Variants in BANK1 observed in about 807,000 individuals in gnomAD.
BANK1 encodes B-cell scaffold protein with ankyrin repeats.
Under a neutral mutation model 94.5 loss-of-function variants are expected in BANK1, and 95 were observed. That is an observed-to-expected ratio of 1.00 (90% CI 0.85 to 1.19). The LOEUF (loss-of-function observed/expected upper bound fraction) is 1.19. Among genes scored for constraint, BANK1 ranks in the 50% most tolerant of loss-of-function variants. The pLI is 0.00. For missense variants in BANK1, 987 were observed against 932.2 expected (o/e 1.06, Z -0.77); for synonymous variants, 334 against 308.4 (o/e 1.08, Z -0.87).
chr4:101,907,002 A>T (rs570565747), intron 6 of BANK1, among the ~76,000 whole-genome samples: 22 of 152,380 alleles, frequency 1.4e-4, no homozygotes, highest in Non-Finnish European at 3.2e-4. Flanking sequence ...ATTTACCCAC[A>T]TATTTATTAA....
At chr4:101,976,384 G>T (rs1725128533) in intron 7 of BANK1, among the ~76,000 whole-genome samples, 2 of 152,170 alleles carry the variant, frequency 1.3e-5, no homozygotes, top group African/African-American at 2.4e-5. Flanking sequence ...ATTAATGCTG[G>T]CAAAGAATAC....
intron 7 of BANK1, among the ~76,000 whole-genome samples, chr4:102,019,951 G>A (rs1726836998): frequency 1.3e-5 from 2 of 151,942 alleles, no homozygotes; most frequent in African/African-American, 4.8e-5. Context: ...TTGGGTTCAG[G>A]GTATTTGGCT....
chr4:101,986,861 A>G (rs1307081567), intron 7 of BANK1, among the ~76,000 whole-genome samples: 15 of 49,912 alleles, frequency 3.0e-4, no homozygotes, highest in African/African-American at 1.0e-3. Flanking sequence ...ATATGTATAT[A>G]TATATGTGTG....
At chr4:101,859,360 T>G (rs572627361) in intron 3 of BANK1, among the ~76,000 whole-genome samples, 1 of 152,332 alleles carries the variant, frequency 6.6e-6, no homozygotes, top group East Asian at 1.9e-4. Context: ...ATAATGCCTG[T>G]GTCCTACCTC....
chr4:101,944,230 G>A lies in BANK1; in HGVS notation c.1206+26041G>A, dbSNP rs148998307. ...AAGCTATGTGAGGAGCATAAAACAT[G>A]CAAAGTAACCAGGAAACTCACCATT... On this transcript the variant is annotated intron_variant, in intron 7 of 16. Coordinates refer to ENST00000322953, the MANE Select transcript of BANK1 (RefSeq NM_017935.5). Among the ~76,000 whole-genome samples, 4 of 151,968 alleles carry A rather than the reference G, an allele frequency of 2.6e-5. No individual in the cohort carries two copies. The East Asian group carries it at 7.8e-4, about 30-fold the overall frequency.
chr4:102,070,251 A>C (rs760385041), intron 13 of BANK1, among the ~76,000 whole-genome samples: 1 of 152,188 alleles, frequency 6.6e-6, no homozygotes, highest in Non-Finnish European at 1.5e-5. Flanking sequence ...ATGCTGGCCA[A>C]CTTCCAGCAT....
chr4:101,952,934 C>T (rs111737699), intron 7 of BANK1, among the ~76,000 whole-genome samples: 1,827 of 152,058 alleles, frequency 0.012, 15 homozygotes, highest in Non-Finnish European at 0.018. Flanking sequence ...TTTTTTCTGT[C>T]GTAATAACCA....
intron 1 of BANK1, among the ~76,000 whole-genome samples, chr4:101,792,258 C>CCT (rs1164968686): frequency 7.2e-6 from 1 of 138,688 alleles, no homozygotes; most frequent in African/African-American, 2.5e-5. Flanking sequence ...ATTCCGCTCC[C>CCT]CCCCCGCCCC....
intron 2 of BANK1, among the ~76,000 whole-genome samples, chr4:101,841,384 T>C (rs1056882756): frequency 6.6e-6 from 1 of 152,090 alleles, no homozygotes; most frequent in South Asian, 2.1e-4. Flanking sequence ...AAGCAAGGCA[T>C]AAATTATAAG....
chr4:102,060,122 C>G, intron 11 of BANK1, 89 bp from the exon 12 acceptor site: 2 of 1,176,288 alleles, frequency 1.7e-6, no homozygotes, highest in Non-Finnish European at 2.3e-6. Context: ...TAAGAAGAAG[C>G]TACTCCAATG....
At position 101,895,360 on chromosome 4, in the gene BANK1, C is replaced by T. The variant is rs762224126; in HGVS notation, c.959C>T (p.Pro320Leu). Residue 320 changes from proline to leucine, a missense_variant, in exon 6 of 17, where the codon CCA becomes CTA. Coordinates refer to ENST00000322953, the MANE Select transcript of BANK1 (RefSeq NM_017935.5). ...VLTSIFKHEI[P>L]YYEFQSLQTE... ...ACATCCATATTCAAACATGAGATAC[C>T]ATATTATGAGTTCCAGTCTCTTCAA... 1 of 1,594,108 alleles carries T rather than the reference C, an allele frequency of 6.3e-7. No homozygotes were observed. Among genetic ancestry groups the T allele is most frequent in the Non-Finnish European group, 8.5e-7 (1 of 1,170,248 alleles).
chr4:101,857,936 C>A (rs940470596), intron 3 of BANK1, among the ~76,000 whole-genome samples: 1 of 152,052 alleles, frequency 6.6e-6, no homozygotes, highest in South Asian at 2.1e-4. Context: ...CTAGCATATG[C>A]CTCTTGGTTT....
intron 5 of BANK1, among the ~76,000 whole-genome samples, chr4:101,890,244 A>G (rs1721804409): frequency 6.6e-6 from 1 of 152,062 alleles, no homozygotes. Context: ...CTGTCTACCA[A>G]TTGTAGAAAG....
At chr4:102,018,504 C>T in intron 7 of BANK1, among the ~76,000 whole-genome samples, 1 of 152,194 alleles carries the variant, frequency 6.6e-6, no homozygotes, top group East Asian at 1.9e-4. Context: ...TCAATTTGTA[C>T]AGGACCAGAT....
At chr4:102,010,852 AC>A (rs1726482511) in intron 7 of BANK1, among the ~76,000 whole-genome samples, 1 of 152,226 alleles carries the variant, frequency 6.6e-6, no homozygotes, top group Non-Finnish European at 1.5e-5. Context: ...CTGAATCCTT[AC>A]TTTACTGTTT....
Position 101,829,938 on chromosome 4 carries a change from T to G in BANK1, c.201T>G (p.Phe67Leu). The change falls in exon 2 of 17, where the codon TTT becomes TTG. Residue 67 changes from phenylalanine (F) to leucine (L), a missense_variant. Transcript: ENST00000322953. ...ILLYRLENFS[F>L]RHLELLNLTS... ...TATATCGCTTGGAGAATTTCTCTTT[T>G]CGGCATTTGGAGTTGCTGAACTTAA... 1 of 1,614,004 alleles carries G rather than the reference T, an allele frequency of 6.2e-7. No homozygotes were observed. Among genetic ancestry groups the G allele is most frequent in the Non-Finnish European group, 8.5e-7 (1 of 1,179,932 alleles).
At chr4:101,931,414 C>A (rs191148551) in intron 7 of BANK1, among the ~76,000 whole-genome samples, 1 of 151,510 alleles carries the variant, frequency 6.6e-6, no homozygotes, top group Non-Finnish European at 1.5e-5. Context: ...ACTTAAGAAC[C>A]AGCCCTTTCT....
At chr4:101,862,425 C>T (rs1727913300) in intron 3 of BANK1, 101 bp from the exon 4 acceptor site, 1 of 882,070 alleles carries the variant, frequency 1.1e-6, no homozygotes. Flanking sequence ...AAGACTTATT[C>T]AATAATAGTG....
In BANK1 at chr4:101,910,354, A is replaced by AT. The variant is rs1342360223; in HGVS notation, c.1010-7633dup. Among the ~76,000 whole-genome samples the AT allele has an allele frequency of 7.9e-5, 12 of 152,306 alleles. 1 individual carries two copies. In the South Asian group the frequency reaches 1.9e-3, roughly 24 times the overall value. On this transcript the variant is annotated intron_variant, in intron 6 of 16. Transcript: ENST00000322953. ...ATATATCAAATTAAAGTCAAGATAG[A>AT]TTTTTTATTCCATCTGTGTCCTTGA... is the stretch of plus-strand genomic sequence containing the variant.
Sources: allele counts gnomAD v4.1 joint callset (sites outside exome capture counted in the v4.1 genomes callset), GRCh38; gene constraint gnomAD v4.1.1; transcripts MANE v1.5; gene names NCBI Gene and HGNC (gene_info 2026-07-23, HGNC 2026-07-21).